The following RALYL variants were observed in gnomAD, a reference collection of about 807,000 sequenced individuals.
The protein encoded by RALYL is RNA-binding Raly-like protein.
A neutral mutation model predicts 35.1 loss-of-function variants in RALYL; 29 were observed. The ratio of observed to expected loss-of-function variants is 0.83; its 90% confidence interval spans 0.61 to 1.13. RALYL has a LOEUF of 1.13. RALYL is among the 50% of genes most tolerant of loss of function. The probability of loss-of-function intolerance (pLI) is 0.00; values close to 1 mark genes in which losing one functional copy is unlikely to be tolerated. For synonymous variants in RALYL, 120 were observed against 127.6 expected (o/e 0.94, Z 0.40); for missense variants, 359 against 360.4 (o/e 1.00, Z 0.03).
chr8:84,675,640 C>G (rs1834044766), intron 2 of RALYL, among the ~76,000 whole-genome samples: 1 of 151,966 alleles, frequency 6.6e-6, no homozygotes, highest in Admixed American at 6.6e-5. Flanking sequence ...CTCTGAAAGG[C>G]CAACTTTGTT....
intron 2 of RALYL, among the ~76,000 whole-genome samples, chr8:84,663,772 A>G (rs763741565): frequency 6.6e-6 from 1 of 152,020 alleles, no homozygotes; most frequent in Non-Finnish European, 1.5e-5. Context: ...TAGGCTGTCC[A>G]TTCACTCTGA....
chr8:84,444,332 AAAGC>A (rs775471540), intron 1 of RALYL, among the ~76,000 whole-genome samples: 1 of 152,098 alleles, frequency 6.6e-6, no homozygotes, highest in Admixed American at 6.6e-5. Flanking sequence ...CTGTCAAAGA[AAAGC>A]AAACAAACAA....
At chr8:84,786,442 CCAA>C (rs1199225211) in intron 3 of RALYL, among the ~76,000 whole-genome samples, 15 of 152,254 alleles carry the variant, frequency 9.9e-5, no homozygotes, top group South Asian at 8.3e-4. Context: ...TACATTCCCA[CCAA>C]CAGTGTAAAA....
intron 1 of RALYL, among the ~76,000 whole-genome samples, chr8:84,501,770 C>T (rs2056684688): frequency 6.6e-6 from 1 of 150,864 alleles, no homozygotes; most frequent in Admixed American, 6.6e-5. Flanking sequence ...TTTAAAAACT[C>T]CTCAGATGGT....
chr8:84,796,464 T>C (rs951326949), intron 3 of RALYL, among the ~76,000 whole-genome samples: 5 of 152,234 alleles, frequency 3.3e-5, no homozygotes, highest in Admixed American at 6.5e-5. Flanking sequence ...CTTTATTAAA[T>C]CTTTAGGCAA....
rs767305045 is a variant in RALYL at position 84,774,566 on chromosome 8, T to A, written c.257-13T>A. 1.4e-5 allele frequency: 22 copies of A among 1,573,638 alleles called. No homozygotes were observed. Among genetic ancestry groups the A allele is most frequent in the Non-Finnish European group, 3.5e-6 (4 of 1,152,202 alleles). Reference sequence around the variant, plus strand: ...ATTTTCTTAATCAGTACTGTTTTATTTTATGCTTTCAGATATCAACATGGC... The same window carrying A: ...ATTTTCTTAATCAGTACTGTTTTATATTATGCTTTCAGATATCAACATGGC... On this transcript the variant is annotated splice_polypyrimidine_tract_variant and intron_variant, in intron 2 of 8. Coordinates refer to ENST00000521268, the MANE Select transcript of RALYL (RefSeq NM_173848.7).
intron 1 of RALYL, among the ~76,000 whole-genome samples, chr8:84,447,603 T>C (rs1313490603): frequency 6.6e-6 from 1 of 152,016 alleles, no homozygotes; most frequent in Non-Finnish European, 1.5e-5. Context: ...CTTCCATCCA[T>C]TCATTCCTTC....
intron 1 of RALYL, among the ~76,000 whole-genome samples, chr8:84,436,915 G>T (rs189411425): frequency 1.8e-4 from 27 of 151,838 alleles, no homozygotes; most frequent in Non-Finnish European, 1.5e-5. Flanking sequence ...AGGTATATCT[G>T]CAGATTTCTT....
At chr8:84,488,512 A>G (rs977773778) in intron 1 of RALYL, among the ~76,000 whole-genome samples, 1 of 151,994 alleles carries the variant, frequency 6.6e-6, no homozygotes, top group African/African-American at 2.4e-5. Context: ...GTGGGTTCTG[A>G]TGTGGACCTC....
intron 2 of RALYL, among the ~76,000 whole-genome samples, chr8:84,535,644 T>TATTTTATTTTA (rs1554711588): frequency 2.0e-4 from 29 of 144,586 alleles, no homozygotes; most frequent in African/African-American, 6.5e-4. Context: ...TATTTTATTT[T>TATTTTATTTTA]TTGTATTTTT....
intron 1 of RALYL, among the ~76,000 whole-genome samples, chr8:84,342,297 A>ATAT (rs1554626217): frequency 1.8e-5 from 1 of 54,780 alleles, no homozygotes. Context: ...TATATATATA[A>ATAT]AACTCAAAAA....
At chr8:84,377,262 A>G (rs1383848158) in intron 1 of RALYL, among the ~76,000 whole-genome samples, 3 of 151,738 alleles carry the variant, frequency 2.0e-5, no homozygotes, top group East Asian at 1.9e-4. Context: ...TAAGTTTGGA[A>G]CACACTGACT....
intron 2 of RALYL, among the ~76,000 whole-genome samples, chr8:84,638,965 GACAC>G (rs60361195): frequency 0.067 from 7,713 of 115,862 alleles, 542 homozygotes; most frequent in African/African-American, 0.18. Flanking sequence ...CACACACACA[GACAC>G]ACACACACAC....
chr8:84,665,933 A>G (rs1038688249), intron 2 of RALYL: 1 of 152,058 alleles, frequency 6.6e-6, no homozygotes, highest in South Asian at 2.1e-4. Flanking sequence ...ATAAAAGATC[A>G]TAGTAAAAAA....
intron 2 of RALYL, among the ~76,000 whole-genome samples, chr8:84,585,546 A>T (rs573191331): frequency 2.0e-5 from 3 of 152,308 alleles, no homozygotes; most frequent in Admixed American, 6.5e-5. Flanking sequence ...TACATATTCA[A>T]TAATTATTGT....
At chr8:84,771,426 G>A (rs1200875389) in intron 2 of RALYL, among the ~76,000 whole-genome samples, 1 of 151,964 alleles carries the variant, frequency 6.6e-6, no homozygotes. Flanking sequence ...TGTACTTCCT[G>A]GATCACAGAG....
At chr8:84,755,937 T>TA (rs2133289400) in intron 2 of RALYL, among the ~76,000 whole-genome samples, 1 of 152,004 alleles carries the variant, frequency 6.6e-6, no homozygotes, top group East Asian at 1.9e-4. Flanking sequence ...AAGCTAAAAG[T>TA]ATCAAAGACA....
chr8:84,192,155 A>G (rs905271807), intron 1 of RALYL, among the ~76,000 whole-genome samples: 1 of 152,212 alleles, frequency 6.6e-6, no homozygotes, highest in African/African-American at 2.4e-5. Flanking sequence ...TGTTGCTAGA[A>G]TGTCTAACCT....
chr8:84,394,911 A>G (rs1861462378), intron 1 of RALYL, among the ~76,000 whole-genome samples: 1 of 151,940 alleles, frequency 6.6e-6, no homozygotes, highest in Non-Finnish European at 1.5e-5. Flanking sequence ...AGAAAACATA[A>G]TAAAGTGAAG....
Sources: allele counts gnomAD v4.1 joint callset (sites outside exome capture counted in the v4.1 genomes callset), GRCh38; gene constraint gnomAD v4.1.1; transcripts MANE v1.5; gene names NCBI Gene and HGNC (gene_info 2026-07-23, HGNC 2026-07-21).